The following DCDC2C variants were observed in gnomAD, a reference collection of about 807,000 sequenced individuals.
DCDC2C encodes the protein doublecortin domain containing 2C.
In DCDC2C, 44 loss-of-function variants were observed where a neutral mutation model predicts 45.0. The ratio of observed to expected loss-of-function variants is 0.98; its 90% CI spans 0.77 to 1.26. The LOEUF is 1.26. Among genes scored for constraint, DCDC2C ranks in the 50% most tolerant of loss-of-function variants. The pLI is 0.00. For synonymous variants in DCDC2C, 187 were observed against 178.8 expected (o/e 1.05, Z -0.37); for missense variants, 447 against 468.9 (o/e 0.95, Z 0.43).
chr2:3,748,009 C>T, intron 4 of DCDC2C, among the ~76,000 whole-genome samples: 1 of 152,110 alleles, frequency 6.6e-6, no homozygotes. Context: ...TGGAGATCGT[C>T]CCCATCAGAG....
intron 8 of DCDC2C, among the ~76,000 whole-genome samples, chr2:3,769,621 C>T (rs867058762): frequency 1.3e-5 from 2 of 152,192 alleles, no homozygotes; most frequent in African/African-American, 4.8e-5. Context: ...GCTGGAGAGA[C>T]GCCTTTTAAC....
chr2:3,787,406 TACTC>T (rs1272523714), intron 10 of DCDC2C, among the ~76,000 whole-genome samples: 1 of 152,214 alleles, frequency 6.6e-6, no homozygotes. Context: ...GCCTTTTCCT[TACTC>T]AGTGGTCTGG....
At chr2:3,762,152 T>C (rs1426506287) in intron 6 of DCDC2C, among the ~76,000 whole-genome samples, 2 of 116,298 alleles carry the variant, frequency 1.7e-5, no homozygotes, top group Non-Finnish European at 3.5e-5. Flanking sequence ...CCATGTTTTC[T>C]TGCTTGAACC....
intron 6 of DCDC2C, among the ~76,000 whole-genome samples, chr2:3,767,495 A>G (rs1307581490): frequency 6.6e-6 from 1 of 152,262 alleles, no homozygotes; most frequent in African/African-American, 2.4e-5. Context: ...ACCTACAGTT[A>G]AGAAGTGAAC....
At chr2:3,815,562 C>T (rs1671534687) in intron 10 of DCDC2C, among the ~76,000 whole-genome samples, 1 of 152,164 alleles carries the variant, frequency 6.6e-6, no homozygotes, top group Non-Finnish European at 1.5e-5. Context: ...CACACGTATC[C>T]ATGTGAAGAG....
In DCDC2C at chr2:3,767,949, T is replaced by C. The variant is rs1269059279; in HGVS notation, c.853+69T>C. On this transcript the variant is annotated intron_variant, in intron 7 of 10. Transcript: ENST00000399143. ...CCAGGCTGAGAACATGGGATTTTTTTTTTTTCAGAGAAATCTTATACTCCA... is the reference window on the plus strand; with the variant it reads ...CCAGGCTGAGAACATGGGATTTTTTCTTTTTCAGAGAAATCTTATACTCCA... 7 of 1,389,960 alleles carry C rather than the reference T, an allele frequency of 5.0e-6. No homozygotes were observed. The African/African-American group carries it at 1.1e-4, about 21-fold the overall frequency. 86.1% of individuals were successfully genotyped at this position (1,389,960 alleles called of 1,614,324 possible).
At chr2:3,785,902 A>T (rs1257980572) in intron 10 of DCDC2C, among the ~76,000 whole-genome samples, 1 of 152,164 alleles carries the variant, frequency 6.6e-6, no homozygotes, top group Non-Finnish European at 1.5e-5. Context: ...TGGCTGCTTC[A>T]GTACCTGCCG....
At chr2:3,756,147 G>A (rs912079151) in intron 6 of DCDC2C, among the ~76,000 whole-genome samples, 1 of 152,036 alleles carries the variant, frequency 6.6e-6, no homozygotes, top group African/African-American at 2.4e-5. Flanking sequence ...ATAATGACAA[G>A]GAGGTATCAG....
chr2:3,741,518 A>G (rs1027749647), intron 3 of DCDC2C, among the ~76,000 whole-genome samples: 2 of 152,086 alleles, frequency 1.3e-5, no homozygotes, highest in East Asian at 3.9e-4. Flanking sequence ...TGCCTCCCCT[A>G]GAGGTTTGAG....
At chr2:3,837,759 G>A (rs200640093) in intron 10 of DCDC2C, among the ~76,000 whole-genome samples, 459 of 151,746 alleles carry the variant, frequency 3.0e-3, no homozygotes, top group Non-Finnish European at 4.9e-3. Flanking sequence ...CAAGAGAGGC[G>A]ATAACTGCTG....
intron 10 of DCDC2C, among the ~76,000 whole-genome samples, chr2:3,838,124 G>A (rs1572652207): frequency 1.3e-5 from 2 of 152,226 alleles, no homozygotes; most frequent in Admixed American, 1.3e-4. Flanking sequence ...TGGTGATCGC[G>A]AGTGGAAGGC....
intron 2 of DCDC2C, among the ~76,000 whole-genome samples, chr2:3,713,299 G>A (rs1309551045): frequency 1.3e-5 from 2 of 152,224 alleles, no homozygotes; most frequent in East Asian, 3.9e-4. Context: ...GCACCTCCCA[G>A]TGTCTTGAGT....
chr2:3,802,112 G>A (rs1310612063), intron 10 of DCDC2C, among the ~76,000 whole-genome samples: 12 of 152,332 alleles, frequency 7.9e-5, no homozygotes, highest in East Asian at 1.9e-4. Context: ...GTGGTTTGTC[G>A]TTCATGGAAA....
chr2:3,773,512 C>T (rs1331370012), intron 8 of DCDC2C, among the ~76,000 whole-genome samples: 1 of 152,064 alleles, frequency 6.6e-6, no homozygotes, highest in Non-Finnish European at 1.5e-5. Flanking sequence ...ATCATTTTGC[C>T]CCAATGTTAA....
At chr2:3,750,170 C>T (rs2148122046) in intron 4 of DCDC2C, among the ~76,000 whole-genome samples, 1 of 152,292 alleles carries the variant, frequency 6.6e-6, no homozygotes, top group South Asian at 2.1e-4. Flanking sequence ...TGATTGATTT[C>T]CATGTCTTCC....
At chr2:3,757,945 G>C (rs1669766256) in intron 6 of DCDC2C, among the ~76,000 whole-genome samples, 1 of 152,218 alleles carries the variant, frequency 6.6e-6, no homozygotes, top group Admixed American at 6.5e-5. Flanking sequence ...GGAAAGCACT[G>C]TGAGAGTGGG....
chr2:3,795,899 G>T (rs1437628826), intron 10 of DCDC2C, among the ~76,000 whole-genome samples: 1 of 121,762 alleles, frequency 8.2e-6, no homozygotes, highest in African/African-American at 3.4e-5. Context: ...TTCCAATTCC[G>T]TGAAGAAAGT....
At chr2:3,735,370 C>T (rs1668994829) in intron 3 of DCDC2C, among the ~76,000 whole-genome samples, 1 of 151,876 alleles carries the variant, frequency 6.6e-6, no homozygotes, top group Non-Finnish European at 1.5e-5. Context: ...CCCATTAACT[C>T]ATCATTTAGC....
At chr2:3,840,224 G>T (rs940004186) in intron 10 of DCDC2C, among the ~76,000 whole-genome samples, 23 of 152,138 alleles carry the variant, frequency 1.5e-4, no homozygotes, top group Admixed American at 1.3e-3. Context: ...TGTGTAAGCC[G>T]AGCTGGTTTA....
Sources: gnomAD v4.1 joint callset for allele counts (sites outside exome capture counted in the v4.1 genomes callset) on GRCh38, gnomAD v4.1.1 for gene constraint, MANE v1.5 for transcripts, NCBI Gene and HGNC (gene_info 2026-07-23, HGNC 2026-07-21) for gene names.